The following DISC1 variants were observed in gnomAD, a reference collection of about 807,000 sequenced individuals.
DISC1 encodes the protein DISC1 scaffold protein.
In DISC1, 57 loss-of-function variants were observed where a neutral mutation model predicts 84.5. That is an observed-to-expected ratio of 0.67 (90% CI 0.55 to 0.84). The LOEUF (loss-of-function observed/expected upper bound fraction) is 0.84, where lower values mean the gene tolerates loss of function less well. Ranked by LOEUF, DISC1 falls within the 40% of genes least tolerant of loss-of-function variation. The pLI is 0.00. For synonymous variants in DISC1, 411 were observed against 415.2 expected, an observed-to-expected ratio of 0.99 and a Z score of 0.12; for missense variants, 1,000 against 1,057.8, an observed-to-expected ratio of 0.95 and a Z score of 0.76.
chr1:231,762,002 C>G (rs2075705056), intron 4 of DISC1, among the ~76,000 whole-genome samples: 2 of 152,186 alleles, frequency 1.3e-5, no homozygotes, highest in Admixed American at 1.3e-4. Context: ...ACATCAGTAC[C>G]TGATAGTAGT....
At chr1:232,024,274 T>C (rs1669240656) in intron 11 of DISC1, among the ~76,000 whole-genome samples, 1 of 152,194 alleles carries the variant, frequency 6.6e-6, no homozygotes, top group African/African-American at 2.4e-5. Context: ...CTGTAGCTTG[T>C]AGCTCATTCT....
At chr1:231,760,097 G>A (rs1181742993) in intron 4 of DISC1, among the ~76,000 whole-genome samples, 2 of 152,140 alleles carry the variant, frequency 1.3e-5, no homozygotes, top group Non-Finnish European at 2.9e-5. Context: ...CTATGAGTGG[G>A]ATAAGACTGT....
chr1:231,811,451 T>A (rs923812967), intron 8 of DISC1, among the ~76,000 whole-genome samples: 1 of 152,246 alleles, frequency 6.6e-6, no homozygotes, highest in South Asian at 2.1e-4. Flanking sequence ...TTGAAAGATC[T>A]GGTGTCACGC....
At position 231,897,486 on chromosome 1, in the gene DISC1, A is replaced by G. The variant is rs2087794985; in HGVS notation, c.1982-61342A>G. Among the ~76,000 whole-genome samples the G allele has an allele frequency of 1.3e-5, 2 of 151,946 alleles. No homozygotes were observed. The highest frequency in any genetic ancestry group is 4.8e-5 in the African/African-American group (2 of 41,370). ...AACAAGGCCAAAATATTTCTTTCAC[A>G]CATACAGCGCAGACTAAATCGTCTT... is the stretch of plus-strand genomic sequence containing the variant. On this transcript the variant is annotated intron_variant, in intron 9 of 12. Coordinates refer to ENST00000439617, the MANE Select transcript of DISC1 (RefSeq NM_018662.3). The surrounding 1 kb of genome is among the most constrained non-coding windows in gnomAD (Gnocchi z 4.5).
At chr1:231,651,780 C>G (rs986161578) in intron 1 of DISC1, among the ~76,000 whole-genome samples, 3 of 152,372 alleles carry the variant, frequency 2.0e-5, no homozygotes, top group East Asian at 1.9e-4. Flanking sequence ...TTTACCTACT[C>G]AAGCCTCAGC....
chr1:231,828,001 C>T (rs2081978150), intron 9 of DISC1, among the ~76,000 whole-genome samples: 1 of 152,136 alleles, frequency 6.6e-6, no homozygotes, highest in South Asian at 2.1e-4. Context: ...TTTCTGGAGT[C>T]TTAATAACTC....
chr1:231,987,846 G>C (rs2102901952), intron 10 of DISC1, among the ~76,000 whole-genome samples: 1 of 152,290 alleles, frequency 6.6e-6, no homozygotes, highest in East Asian at 1.9e-4. Flanking sequence ...TAAATTATAT[G>C]AGTGCATGTG....
chr1:231,640,462 T>C lies in DISC1; in HGVS notation c.67+13528T>C, dbSNP rs189807347. On this transcript the variant is annotated intron_variant, in intron 1 of 12. Coordinates refer to ENST00000439617, the MANE Select transcript of DISC1 (RefSeq NM_018662.3). ...TTCTCCATAAAGCAACACAGCAGTA[T>C]GCTCTGAGTGGGAGTACCTCCGAAA... is the stretch of plus-strand genomic sequence containing the variant. Among the ~76,000 whole-genome samples the C allele has an allele frequency of 5.4e-3, 784 of 145,254 alleles. 4 individuals are homozygous for C. Among genetic ancestry groups the C allele is most frequent in the Non-Finnish European group, 8.8e-3 (576 of 65,700 alleles).
intron 9 of DISC1, among the ~76,000 whole-genome samples, chr1:231,863,220 CTTTTTTTTTTTTTTTTTTTTT>C (rs533463099): frequency 1.8e-5 from 1 of 54,758 alleles, no homozygotes; most frequent in African/African-American, 7.6e-5. Context: ...ATAAAATGTT[CTTTTTTTTTTTTTTTTTTTTT>C]TTTTTTTTTT....
intron 9 of DISC1, among the ~76,000 whole-genome samples, chr1:231,879,428 C>T (rs558929719): frequency 6.6e-6 from 1 of 152,078 alleles, no homozygotes; most frequent in East Asian, 1.9e-4. Context: ...ACCAGCAATG[C>T]ATGAGAGCTC....
chr1:231,711,705 C>A (rs2067871640), intron 3 of DISC1, among the ~76,000 whole-genome samples: 1 of 152,080 alleles, frequency 6.6e-6, no homozygotes, highest in Non-Finnish European at 1.5e-5. Context: ...CACAAATTAA[C>A]CTAGTACCAG....
At chr1:231,920,456 C>T (rs1473941905) in intron 9 of DISC1, among the ~76,000 whole-genome samples, 2 of 152,196 alleles carry the variant, frequency 1.3e-5, no homozygotes, top group African/African-American at 4.8e-5. Flanking sequence ...AACCTCCGTT[C>T]TCCTTTCTGG....
At chr1:232,011,167 A>G (rs892260303) in intron 11 of DISC1, among the ~76,000 whole-genome samples, 2 of 152,142 alleles carry the variant, frequency 1.3e-5, no homozygotes, top group Non-Finnish European at 2.9e-5. Flanking sequence ...CCTGCATAGC[A>G]TTATAAGCAC....
intron 3 of DISC1, among the ~76,000 whole-genome samples, chr1:231,718,192 C>A (rs926194017): frequency 6.6e-6 from 1 of 152,152 alleles, no homozygotes; most frequent in Non-Finnish European, 1.5e-5. Context: ...ATTTTCATCC[C>A]CCTCCAAAGC....
intron 12 of DISC1, among the ~76,000 whole-genome samples, chr1:232,032,621 G>C (rs373238851): frequency 5.3e-5 from 8 of 152,148 alleles, no homozygotes; most frequent in African/African-American, 1.9e-4. Flanking sequence ...CAGGTACTTG[G>C]TGGCATATCT....
chr1:232,027,156 C>G (rs186401107), intron 12 of DISC1, among the ~76,000 whole-genome samples: 3 of 152,196 alleles, frequency 2.0e-5, no homozygotes, highest in Non-Finnish European at 4.4e-5. Flanking sequence ...GTAAATCCAG[C>G]TCTGTGTGGC....
At chr1:231,898,151 T>C (rs1297341774) in intron 9 of DISC1, among the ~76,000 whole-genome samples, 1 of 152,230 alleles carries the variant, frequency 6.6e-6, no homozygotes, top group Non-Finnish European at 1.5e-5. Flanking sequence ...GTATATTCAC[T>C]TTAGGTCATT....
At position 231,992,238 on chromosome 1, in the gene DISC1, A is replaced by C. The variant is rs78497887; in HGVS notation, c.2043-16547A>C. 9.7e-3 allele frequency among the ~76,000 whole-genome samples: 1,476 copies of C among 152,344 alleles called. 29 individuals are homozygous for C. The highest frequency in any genetic ancestry group is 0.033 in the African/African-American group (1,370 of 41,568). ...TCCCTCACCTTTAAAACAGCAAACT[A>C]TACAACTCTCAGACCTTTGTCTCCG... On this transcript the variant is annotated intron_variant, in intron 10 of 12. Coordinates refer to ENST00000439617, the MANE Select transcript of DISC1 (RefSeq NM_018662.3).
chr1:231,813,851 T>A (rs2080595734), intron 8 of DISC1, among the ~76,000 whole-genome samples: 1 of 152,148 alleles, frequency 6.6e-6, no homozygotes, highest in Non-Finnish European at 1.5e-5. Flanking sequence ...TGACCTCTCC[T>A]AGTATTTGTT....
Sources: allele counts gnomAD v4.1 joint callset (sites outside exome capture counted in the v4.1 genomes callset), GRCh38; gene constraint gnomAD v4.1.1; non-coding constraint Gnocchi (gnomAD v3.1); transcripts MANE v1.5; gene names NCBI Gene and HGNC (gene_info 2026-07-23, HGNC 2026-07-21).